Variants in PCBP3 observed in about 807,000 individuals in gnomAD.
PCBP3 encodes the protein poly(rC)-binding protein 3.
PCBP3 carries 25 observed loss-of-function variants against 52.7 expected under a neutral mutation model. The ratio of observed to expected loss-of-function variants is 0.47; its 90% CI spans 0.35 to 0.66. The LOEUF (loss-of-function observed/expected upper bound fraction) is 0.66. Ranked by LOEUF, PCBP3 falls within the 30% of genes least tolerant of loss-of-function variation. The pLI is 0.01. For synonymous variants in PCBP3, 162 were observed against 183.0 expected (o/e 0.89, Z 0.93); for missense variants, 391 against 490.3 (o/e 0.80, Z 1.91).
At chr21:45,842,348 ATTG>A (rs1569297410) in intron 4 of PCBP3, among the ~76,000 whole-genome samples, 1 of 152,092 alleles carries the variant, frequency 6.6e-6, no homozygotes. Context: ...AATTGCTTTA[ATTG>A]TTGTAGGGAT....
At chr21:45,891,207 G>T (rs1243949206) in intron 5 of PCBP3, among the ~76,000 whole-genome samples, 1 of 152,132 alleles carries the variant, frequency 6.6e-6, no homozygotes, top group African/African-American at 2.4e-5. Flanking sequence ...TTCTTAGGAA[G>T]TTCCACGTGC....
At chr21:45,919,928 G>A (rs578243590) in intron 13 of PCBP3, among the ~76,000 whole-genome samples, 35 of 152,244 alleles carry the variant, frequency 2.3e-4, no homozygotes, top group Non-Finnish European at 4.4e-4. Context: ...TGTGAAGGAA[G>A]ATGAAGATGG....
chr21:45,647,451 A>G (rs910497372), intron 1 of PCBP3, among the ~76,000 whole-genome samples: 1 of 152,214 alleles, frequency 6.6e-6, no homozygotes, highest in Non-Finnish European at 1.5e-5. Flanking sequence ...TGCAGTTGGG[A>G]TACATAGAAA....
chr21:45,895,668 G>A (rs1194546081), intron 5 of PCBP3, among the ~76,000 whole-genome samples: 2 of 152,238 alleles, frequency 1.3e-5, no homozygotes, highest in Admixed American at 1.3e-4. Flanking sequence ...AACTGCCAAG[G>A]ACACCAGCCG....
chr21:45,675,629 A>G (rs1036511752), intron 2 of PCBP3, among the ~76,000 whole-genome samples: 1 of 151,522 alleles, frequency 6.6e-6, no homozygotes, highest in Admixed American at 6.6e-5. Context: ...CTCTTTTTTC[A>G]CCTCTTTTTT....
intron 5 of PCBP3, among the ~76,000 whole-genome samples, chr21:45,894,312 C>T (rs982041113): frequency 1.7e-4 from 26 of 152,184 alleles, no homozygotes; most frequent in Admixed American, 8.5e-4. Context: ...GGGCTGGAAA[C>T]CTTGACATAA....
chr21:45,839,780 A>C (rs2093661145), intron 4 of PCBP3, among the ~76,000 whole-genome samples: 1 of 152,038 alleles, frequency 6.6e-6, no homozygotes, highest in South Asian at 2.1e-4. Context: ...TCCGCTTCCC[A>C]GGTTCAAGCA....
intron 2 of PCBP3, among the ~76,000 whole-genome samples, chr21:45,718,485 G>A (rs945812941): frequency 6.6e-6 from 1 of 151,950 alleles, no homozygotes; most frequent in African/African-American, 2.4e-5. Flanking sequence ...AAAGACTCCT[G>A]TCCTGTTCTG....
intron 2 of PCBP3, among the ~76,000 whole-genome samples, chr21:45,722,587 A>G (rs901848399): frequency 3.9e-5 from 6 of 152,232 alleles, no homozygotes; most frequent in Non-Finnish European, 5.9e-5. Context: ...TTGACTATTA[A>G]CAAATATTGT....
intron 16 of PCBP3, among the ~76,000 whole-genome samples, chr21:45,938,524 G>A (rs971814186): frequency 1.3e-5 from 2 of 152,216 alleles, no homozygotes; most frequent in African/African-American, 4.8e-5. Flanking sequence ...ATGTGGCCAT[G>A]TGCCAATTAG....
At chr21:45,840,388 C>T (rs955532858) in intron 4 of PCBP3, among the ~76,000 whole-genome samples, 3 of 144,026 alleles carry the variant, frequency 2.1e-5, no homozygotes, top group East Asian at 2.1e-4. Context: ...ACCCGGGAGG[C>T]GGAGCTCGCA....
intron 13 of PCBP3, among the ~76,000 whole-genome samples, chr21:45,921,751 G>A (rs529913168): frequency 3.9e-5 from 6 of 152,280 alleles, no homozygotes; most frequent in South Asian, 2.1e-4. Flanking sequence ...CCCGGGAGGT[G>A]GAGGTTGCAG....
chr21:45,715,232 A>G (rs1274783468), intron 2 of PCBP3, among the ~76,000 whole-genome samples: 1 of 152,216 alleles, frequency 6.6e-6, no homozygotes, highest in Non-Finnish European at 1.5e-5. Context: ...GAGGGGTATC[A>G]GTGGAGTATA....
chr21:45,795,933 C>T (rs1017345832), intron 4 of PCBP3, among the ~76,000 whole-genome samples: 27 of 152,194 alleles, frequency 1.8e-4, no homozygotes, highest in African/African-American at 6.3e-4. Context: ...CTGTTTACAG[C>T]CTCTGTGCAA....
chr21:45,665,627 A>G (rs1005619150), intron 1 of PCBP3, among the ~76,000 whole-genome samples: 7 of 152,220 alleles, frequency 4.6e-5, no homozygotes, highest in South Asian at 2.1e-4. Flanking sequence ...ATCAGTAACA[A>G]AAATTCTCCC....
chr21:45,815,158 G>A (rs1404267357), intron 4 of PCBP3, among the ~76,000 whole-genome samples: 1 of 73,028 alleles, frequency 1.4e-5, no homozygotes, highest in Non-Finnish European at 2.7e-5. Context: ...TGAGTGAGTG[G>A]TGAGTAGTGA....
chr21:45,646,054 TC>T (rs1421995942), intron 1 of PCBP3, among the ~76,000 whole-genome samples: 38 of 34,754 alleles, frequency 1.1e-3, no homozygotes, highest in Admixed American at 3.4e-3. Context: ...GTCACCTGTT[TC>T]TCTCTCTCTC....
chr21:45,913,880 G>A lies in PCBP3; in HGVS notation c.601-71G>A, dbSNP rs1569491215. 3.5e-6 allele frequency: 5 copies of A among 1,410,968 alleles called. No individual in the cohort carries two copies. In the East Asian group the frequency reaches 9.4e-5, roughly 27 times the overall value. 87.4% of individuals were successfully genotyped at this position (1,410,968 alleles called of 1,614,324 possible). ...AGGGGGCTGAGTGGGGTGGGCCGGG[G>A]CACGCCTCCCCATTGCCAGGCTGCG... On this transcript the variant is annotated intron_variant, in intron 11 of 17. Coordinates refer to ENST00000681687, the MANE Select transcript of PCBP3 (RefSeq NM_001384156.1).
At chr21:45,774,279 T>C (rs1377297950) in intron 4 of PCBP3, among the ~76,000 whole-genome samples, 2 of 151,518 alleles carry the variant, frequency 1.3e-5, no homozygotes, top group Non-Finnish European at 2.9e-5. Flanking sequence ...TGGTGGTGCG[T>C]GCCTGTAATC....
Sources: allele counts gnomAD v4.1 joint callset (sites outside exome capture counted in the v4.1 genomes callset), GRCh38; gene constraint gnomAD v4.1.1; transcripts MANE v1.5; gene names NCBI Gene and HGNC (gene_info 2026-07-23, HGNC 2026-07-21).